The following PAIP2 variants were observed in gnomAD, a reference collection of about 807,000 sequenced individuals.
The protein encoded by PAIP2 is poly(A) binding protein interacting protein 2.
In PAIP2, 7 loss-of-function variants were observed where a neutral mutation model predicts 14.8. The observed-to-expected ratio is 0.47, with a 90% confidence interval of 0.27 to 0.89. PAIP2 has a LOEUF of 0.89. PAIP2 is among the 40% of genes least tolerant of loss of function. The probability of loss-of-function intolerance (pLI) is 0.13; values close to 1 mark genes in which losing one functional copy is unlikely to be tolerated. For missense variants in PAIP2, 122 were observed against 154.7 expected (o/e 0.79, Z 1.12); for synonymous variants, 47 against 45.3 (o/e 1.04, Z -0.15).
chr5:139,344,514 C>G (rs1756478128), intron 1 of PAIP2, among the ~76,000 whole-genome samples: 2 of 152,102 alleles, frequency 1.3e-5, no homozygotes, highest in Admixed American at 1.3e-4. Flanking sequence ...GATGTAGGTA[C>G]TGTGTGTGGT....
chr5:139,359,495 T>C (rs1757009136), intron 1 of PAIP2, among the ~76,000 whole-genome samples: 1 of 152,032 alleles, frequency 6.6e-6, no homozygotes, highest in Non-Finnish European at 1.5e-5. Flanking sequence ...GGGAAAATAA[T>C]GAAAACCTGT....
intron 3 of PAIP2, among the ~76,000 whole-genome samples, chr5:139,367,044 A>G (rs1315040101): frequency 6.6e-6 from 1 of 152,188 alleles, no homozygotes; most frequent in Admixed American, 6.5e-5. Context: ...TAAGCAACAG[A>G]GCGAGTCCAT....
chr5:139,368,566 A>AT (rs1269818173), intron 3 of PAIP2, among the ~76,000 whole-genome samples, 167 bp from the exon 4 acceptor site: 1 of 151,964 alleles, frequency 6.6e-6, no homozygotes, highest in African/African-American at 2.4e-5. Flanking sequence ...ATTTAATATG[A>AT]TATATAGCTT....
At chr5:139,349,828 C>T (rs1225527104) in intron 1 of PAIP2, among the ~76,000 whole-genome samples, 1 of 151,818 alleles carries the variant, frequency 6.6e-6, no homozygotes, top group African/African-American at 2.4e-5. Flanking sequence ...ATGGTGAAAC[C>T]CCGTTTCTAC....
At chr5:139,361,971 C>T (rs1332334996) in intron 1 of PAIP2, among the ~76,000 whole-genome samples, 1 of 148,422 alleles carries the variant, frequency 6.7e-6, no homozygotes, top group Non-Finnish European at 1.5e-5. Context: ...CTGAAACTCA[C>T]TGTACAGTGA....
chr5:139,342,220 A>C (rs1186719590), intron 1 of PAIP2, among the ~76,000 whole-genome samples: 1 of 150,468 alleles, frequency 6.6e-6, no homozygotes. Context: ...AATGATTTGG[A>C]TCTCGCAGCT....
At chr5:139,351,291 G>A (rs745718607) in intron 1 of PAIP2, among the ~76,000 whole-genome samples, 4 of 151,438 alleles carry the variant, frequency 2.6e-5, no homozygotes, top group African/African-American at 4.9e-5. Flanking sequence ...TATCCTATAC[G>A]AAGCACTACT....
At chr5:139,354,492 A>T (rs1371788673) in intron 1 of PAIP2, among the ~76,000 whole-genome samples, 2 of 152,182 alleles carry the variant, frequency 1.3e-5, no homozygotes, top group Non-Finnish European at 2.9e-5. Context: ...GGTACGGGTC[A>T]TATTGAGTTT....
chr5:139,349,536 T>G (rs570613273), intron 1 of PAIP2, among the ~76,000 whole-genome samples: 9 of 152,240 alleles, frequency 5.9e-5, no homozygotes, highest in African/African-American at 2.2e-4. Context: ...CATGAGCCAC[T>G]GCCTCCTGCC....
chr5:139,347,422 C>G (rs1017793794), intron 1 of PAIP2, among the ~76,000 whole-genome samples: 9 of 151,890 alleles, frequency 5.9e-5, no homozygotes, highest in African/African-American at 1.9e-4. Flanking sequence ...TACAGGCGCC[C>G]ACCACCATGC....
intron 3 of PAIP2, chr5:139,367,622 A>G (rs1300368580): frequency 1.3e-5 from 2 of 152,164 alleles, no homozygotes; most frequent in Non-Finnish European, 2.9e-5. Flanking sequence ...CCTGTTATAT[A>G]CCATGCTTCC....
At chr5:139,342,243 C>T (rs922820882) in intron 1 of PAIP2, among the ~76,000 whole-genome samples, 9 of 151,904 alleles carry the variant, frequency 5.9e-5, no homozygotes, top group African/African-American at 1.9e-4. Flanking sequence ...CTATCCGGGT[C>T]CTCAGTGGCG....
intron 1 of PAIP2, among the ~76,000 whole-genome samples, chr5:139,344,243 C>T (rs1380394543): frequency 1.3e-5 from 2 of 152,178 alleles, no homozygotes; most frequent in African/African-American, 4.8e-5. Context: ...AGATTCTATG[C>T]TCTTAACCAT....
chr5:139,361,174 C>T (rs1418382928), intron 1 of PAIP2, among the ~76,000 whole-genome samples: 2 of 152,132 alleles, frequency 1.3e-5, no homozygotes, highest in East Asian at 3.9e-4. Flanking sequence ...ATTTTCACCA[C>T]TATGATCCTG....
intron 1 of PAIP2, among the ~76,000 whole-genome samples, chr5:139,359,927 C>T (rs539794085): frequency 2.0e-5 from 3 of 151,828 alleles, no homozygotes; most frequent in South Asian, 4.2e-4. Flanking sequence ...GCTGAGATTG[C>T]ACCACTGTAC....
intron 1 of PAIP2, among the ~76,000 whole-genome samples, chr5:139,355,354 T>G (rs1756876715): frequency 6.6e-6 from 1 of 151,872 alleles, no homozygotes; most frequent in Non-Finnish European, 1.5e-5. Flanking sequence ...GTATTTTTAG[T>G]AGAGACAGGA....
At chr5:139,343,852 G>A (rs1474277162) in intron 1 of PAIP2, among the ~76,000 whole-genome samples, 1 of 151,802 alleles carries the variant, frequency 6.6e-6, no homozygotes, top group African/African-American at 2.4e-5. Context: ...CTAGTAGCTG[G>A]GACTACAGGC....
intron 1 of PAIP2, among the ~76,000 whole-genome samples, chr5:139,355,521 C>A (rs187451005): frequency 3.3e-4 from 50 of 152,228 alleles, no homozygotes; most frequent in African/African-American, 1.1e-3. Context: ...TTCTATGGTT[C>A]CTTTTATTTT....
At chr5:139,352,843 GCGTTGGCTCACGC>G (rs1167124544) in intron 1 of PAIP2, among the ~76,000 whole-genome samples, 1 of 151,906 alleles carries the variant, frequency 6.6e-6, no homozygotes, top group Non-Finnish European at 1.5e-5. Flanking sequence ...GAGGCTGGGT[GCGTTGGCTCACGC>G]CTGTAATCCA....
Sources: gnomAD v4.1 joint callset for allele counts (sites outside exome capture counted in the v4.1 genomes callset) on GRCh38, gnomAD v4.1.1 for gene constraint, MANE v1.5 for transcripts, NCBI Gene and HGNC (gene_info 2026-07-23, HGNC 2026-07-21) for gene names.